The following TMEM267 variants were observed in gnomAD, a reference collection of about 807,000 sequenced individuals.
The protein encoded by TMEM267 is transmembrane protein C5orf28.
Under a neutral mutation model 19.3 loss-of-function variants are expected in TMEM267, and 20 were observed. The ratio of observed to expected loss-of-function variants is 1.04; its 90% CI spans 0.73 to 1.51. The LOEUF is 1.51. TMEM267 is among the 40% of genes most tolerant of loss of function. The pLI, the probability that TMEM267 is intolerant of heterozygous loss-of-function variation, is 0.00. For missense variants in TMEM267, 242 were observed against 261.9 expected, an observed-to-expected ratio of 0.92 and a Z score of 0.52; for synonymous variants, 88 against 90.3, an observed-to-expected ratio of 0.97 and a Z score of 0.15.
At chr5:43,452,772 T>C (rs1742690858) in intron 2 of TMEM267, among the ~76,000 whole-genome samples, 1 of 152,172 alleles carries the variant, frequency 6.6e-6, no homozygotes, top group Non-Finnish European at 1.5e-5. Context: ...AATAAGTGAA[T>C]CAATTTCTGA....
intron 1 of TMEM267, among the ~76,000 whole-genome samples, chr5:43,464,936 C>A (rs1236848518): frequency 9.9e-5 from 15 of 152,148 alleles, no homozygotes; most frequent in African/African-American, 1.4e-4. Flanking sequence ...CAATGGCAAC[C>A]AAAGCCAAAA....
At chr5:43,460,341 T>A (rs1237621005) in intron 1 of TMEM267, among the ~76,000 whole-genome samples, 1 of 151,982 alleles carries the variant, frequency 6.6e-6, no homozygotes, top group Non-Finnish European at 1.5e-5. Context: ...TTTTCAAATG[T>A]TCACGGAACC....
intron 1 of TMEM267, among the ~76,000 whole-genome samples, chr5:43,466,200 A>G (rs1743662247): frequency 2.0e-5 from 3 of 152,150 alleles, no homozygotes. Context: ...AAGGCATTTA[A>G]TAATAAAACT....
chr5:43,463,660 C>T (rs1321716326), intron 1 of TMEM267, among the ~76,000 whole-genome samples: 1 of 152,156 alleles, frequency 6.6e-6, no homozygotes, highest in African/African-American at 2.4e-5. Flanking sequence ...ATACTCAAAT[C>T]AATAAACGTA....
intron 1 of TMEM267, among the ~76,000 whole-genome samples, chr5:43,455,503 G>C (rs1305373680): frequency 6.6e-6 from 1 of 151,854 alleles, no homozygotes; most frequent in African/African-American, 2.4e-5. Flanking sequence ...AGAATACAGA[G>C]TGGGATCAGA....
At chr5:43,479,712 T>G (rs547236748) in intron 1 of TMEM267, among the ~76,000 whole-genome samples, 1 of 152,054 alleles carries the variant, frequency 6.6e-6, no homozygotes, top group Non-Finnish European at 1.5e-5. Context: ...AACTATTTTT[T>G]AAATGATAAT....
In TMEM267 at chr5:43,470,491, G is replaced by A. The variant is rs201491355; in HGVS notation, c.-75+13331C>T. 3.3e-5 allele frequency among the ~76,000 whole-genome samples: 5 copies of A among 152,262 alleles called. No homozygotes were observed. In the East Asian group the frequency reaches 9.6e-4, roughly 29 times the overall value. ...ATTGATGTCTCATGACTCCCAAAAT[G>A]TATAAAAGCAAGCTGTACCCTGATC... On this transcript the variant is annotated intron_variant, in intron 1 of 2. Transcript: ENST00000397080.
Position 43,454,039 on chromosome 5 carries a change from G to T in TMEM267, c.-70C>A. ...CAGTCTATTCTTGTTTACATTTCCAGCACCCTAAAGGAGAAAGTAGAGAAA... is the reference window on the plus strand; with the variant it reads ...CAGTCTATTCTTGTTTACATTTCCATCACCCTAAAGGAGAAAGTAGAGAAA... On this transcript the variant is annotated 5_prime_UTR_variant, in exon 2 of 3. The change creates a new upstream start codon in the 5' untranslated region. Transcript: ENST00000397080. 2 of 1,535,936 alleles carry T rather than the reference G, an allele frequency of 1.3e-6. No homozygotes were observed. Among genetic ancestry groups the T allele is most frequent in the Non-Finnish European group, 8.8e-7 (1 of 1,142,368 alleles).
chr5:43,478,502 T>C (rs1286003015), intron 1 of TMEM267, among the ~76,000 whole-genome samples: 1 of 152,172 alleles, frequency 6.6e-6, no homozygotes, highest in Non-Finnish European at 1.5e-5. Context: ...AATGACTATA[T>C]AATAATGTAA....
chr5:43,480,468 C>T (rs1744690281), intron 1 of TMEM267, among the ~76,000 whole-genome samples: 2 of 151,968 alleles, frequency 1.3e-5, no homozygotes, highest in Non-Finnish European at 2.9e-5. Context: ...CAAGTGCCAC[C>T]AAGCTTGGGC....
At position 43,453,579 on chromosome 5, in the gene TMEM267, T is replaced by C. The variant is rs1044472860; in HGVS notation, c.312+79A>G. ...CTATTTTAAGACAAATCCTCTCTAG[T>C]TCTAAATGATGCTGTAAAGATCAGC... On this transcript the variant is annotated intron_variant, in intron 2 of 2. Transcript: ENST00000397080. The C allele has an allele frequency of 8.6e-6, 11 of 1,281,854 alleles. No individual in the cohort carries two copies. In the African/African-American group the frequency reaches 1.2e-4, roughly 14 times the overall value. 79.4% of individuals were successfully genotyped at this position (1,281,854 alleles called of 1,614,324 possible). A position where few individuals can be genotyped will look rare whatever the true frequency, so the allele number is the denominator to read the frequency against.
intron 1 of TMEM267, among the ~76,000 whole-genome samples, chr5:43,465,318 A>C (rs1417727712): frequency 6.6e-6 from 1 of 152,206 alleles, no homozygotes; most frequent in East Asian, 1.9e-4. Context: ...CAGGTGCTGG[A>C]GAGGATGTGG....
chr5:43,479,173 C>T (rs189791719), intron 1 of TMEM267, among the ~76,000 whole-genome samples: 1 of 151,816 alleles, frequency 6.6e-6, no homozygotes, highest in Non-Finnish European at 1.5e-5. Flanking sequence ...CTCATATTTA[C>T]TGAAATAGAA....
intron 2 of TMEM267, among the ~76,000 whole-genome samples, chr5:43,449,983 T>C (rs1412800011): frequency 6.6e-6 from 1 of 152,002 alleles, no homozygotes; most frequent in Non-Finnish European, 1.5e-5. Flanking sequence ...AATATCAATG[T>C]AGCGTTTTTT....
chr5:43,452,973 T>C (rs937725526), intron 2 of TMEM267, among the ~76,000 whole-genome samples: 2 of 152,212 alleles, frequency 1.3e-5, no homozygotes, highest in South Asian at 4.1e-4. Context: ...ACGTAAAATA[T>C]AGGCAAATCT....
intron 1 of TMEM267, among the ~76,000 whole-genome samples, chr5:43,479,527 A>G (rs1744630424): frequency 6.6e-6 from 1 of 151,924 alleles, no homozygotes; most frequent in Non-Finnish European, 1.5e-5. Flanking sequence ...TTATAAATAT[A>G]TATTAATATG....
intron 1 of TMEM267, among the ~76,000 whole-genome samples, chr5:43,464,717 A>C (rs1054366104): frequency 6.6e-6 from 1 of 152,260 alleles, no homozygotes; most frequent in Non-Finnish European, 1.5e-5. Context: ...AGGATTCCCT[A>C]TTTAATAAAT....
chr5:43,446,866 T>C (rs2063820521), intron 2 of TMEM267, among the ~76,000 whole-genome samples: 1 of 152,076 alleles, frequency 6.6e-6, no homozygotes, highest in African/African-American at 2.4e-5. Flanking sequence ...AAGTGTACAG[T>C]TTGTGTAATT....
chr5:43,462,351 T>C (rs185205182), intron 1 of TMEM267, among the ~76,000 whole-genome samples: 5 of 152,214 alleles, frequency 3.3e-5, no homozygotes, highest in African/African-American at 1.2e-4. Context: ...CTACAATAAA[T>C]ACCTAAGTCA....
Sources: allele counts gnomAD v4.1 joint callset (sites outside exome capture counted in the v4.1 genomes callset), GRCh38; gene constraint gnomAD v4.1.1; transcripts MANE v1.5; gene names NCBI Gene and HGNC (gene_info 2026-07-23, HGNC 2026-07-21).